Variants in FLNB observed in about 807,000 individuals in gnomAD.
FLNB encodes the protein filamin-B.
FLNB carries 111 observed loss-of-function variants against 250.6 expected under a neutral mutation model. The ratio of observed to expected loss-of-function variants is 0.44; its 90% CI spans 0.38 to 0.52. FLNB has a LOEUF of 0.52. Among genes scored for constraint, FLNB ranks in the 20% least tolerant of loss-of-function variants. The pLI is 0.00. For missense variants in FLNB, 2,869 were observed against 3,447.8 expected, an observed-to-expected ratio of 0.83 and a Z score of 4.20; for synonymous variants, 1,302 against 1,372.1, an observed-to-expected ratio of 0.95 and a Z score of 1.13.
chr3:58,078,630 A>T (rs980413282), intron 2 of FLNB, 87 bp from the exon 3 acceptor site: 13 of 1,511,522 alleles, frequency 8.6e-6, no homozygotes, highest in Non-Finnish European at 1.2e-5. Flanking sequence ...GAACTAAAAG[A>T]AAAAATGGGG....
chr3:58,169,676 T>A lies in FLNB; in HGVS notation c.7504T>A (p.Tyr2502Asn). 1 of 1,614,100 alleles carries A rather than the reference T, an allele frequency of 6.2e-7. No homozygotes were observed. The highest frequency in any genetic ancestry group is 8.5e-7 in the Non-Finnish European group (1 of 1,179,996). ...SVTRSSTETC[Y>N]SAIPKASSDA... Reference sequence around the variant, plus strand: ...GACCAGGTCGTCTACAGAGACCTGCTATAGCGCCATTCCCAAGGCATCCTC... The same window carrying A: ...GACCAGGTCGTCTACAGAGACCTGCAATAGCGCCATTCCCAAGGCATCCTC... The change falls in exon 45 of 46, where the codon TAT becomes AAT. Residue 2502 changes from tyrosine to asparagine, a missense_variant. By Grantham distance (143) the Tyr-to-Asn change is moderately radical. Transcript: ENST00000295956. This position sits in a 1 kb window ranked among gnomAD's most constrained non-coding sequence, Gnocchi z 4.8.
intron 18 of FLNB, among the ~76,000 whole-genome samples, chr3:58,116,404 C>G (rs1015940977): frequency 2.0e-5 from 3 of 152,082 alleles, no homozygotes; most frequent in Non-Finnish European, 4.4e-5. Flanking sequence ...GGGCGCTTCC[C>G]CCTCAGAACA....
At chr3:58,107,490 A>C (rs2097261573) in intron 12 of FLNB, among the ~76,000 whole-genome samples, 2 of 152,250 alleles carry the variant, frequency 1.3e-5, no homozygotes, top group South Asian at 4.1e-4. Context: ...GGTGGCATGC[A>C]TAAAGACCGC....
In FLNB at chr3:58,169,436, A is replaced by G. The variant is rs530415181; in HGVS notation, c.7418-154A>G. On this transcript the variant is annotated intron_variant, in intron 44 of 45. Transcript: ENST00000295956. This position sits in a 1 kb window ranked among gnomAD's most constrained non-coding sequence, Gnocchi z 4.8. Reference sequence around the variant, plus strand: ...GGGTGGGATCCTAGGGGTTTAGAAGACATTATGGGTGTGAGATACAGGTGT... The same window carrying G: ...GGGTGGGATCCTAGGGGTTTAGAAGGCATTATGGGTGTGAGATACAGGTGT... 8.6e-6 allele frequency: 6 copies of G among 696,224 alleles called. No individual in the cohort carries two copies. The highest frequency in any genetic ancestry group is 2.0e-5 in the Admixed American group (1 of 49,860). 43.1% of individuals were successfully genotyped at this position (696,224 alleles called of 1,614,324 possible).
At chr3:58,151,843 A>G (rs2097345630) in intron 38 of FLNB, among the ~76,000 whole-genome samples, 1 of 152,138 alleles carries the variant, frequency 6.6e-6, no homozygotes, top group Non-Finnish European at 1.5e-5. Flanking sequence ...GGGCTGGTGC[A>G]TTTCAGATGC....
At chr3:58,143,740 C>T (rs1029680004) in intron 32 of FLNB, 127 bp downstream of exon 32, 5 of 1,168,568 alleles carry the variant, frequency 4.3e-6, no homozygotes, top group Non-Finnish European at 6.2e-6. Context: ...AGCGTTGGTA[C>T]CCCTGTGAAA....
In FLNB at chr3:58,008,755, G is replaced by C. The variant is rs759185725; in HGVS notation, c.191G>C (p.Arg64Pro). Reference sequence around the variant, plus strand: ...GTGCTCAGCCAGAAGCGCATGTACCGCAAGTACCATCAGCGGCCCACCTTT... The same window carrying C: ...GTGCTCAGCCAGAAGCGCATGTACCCCAAGTACCATCAGCGGCCCACCTTT... The part of the protein sequence containing the change: ...LEVLSQKRMY[R>P]KYHQRPTFRQ... The change falls in exon 1 of 46, where the codon CGC becomes CCC. Residue 64 changes from arginine to proline, a missense_variant. By Grantham distance (103) the Arg-to-Pro change is moderately radical. Coordinates refer to ENST00000295956, the MANE Select transcript of FLNB (RefSeq NM_001457.4). 1 of 1,614,028 alleles carries C rather than the reference G, an allele frequency of 6.2e-7. No individual in the cohort carries two copies. The highest frequency in any genetic ancestry group is 1.3e-5 in the African/African-American group (1 of 75,066).
At position 58,134,742 on chromosome 3, in the gene FLNB, C is replaced by T. The variant is rs370414841; in HGVS notation, c.4641C>T (p.Ala1547=). ...ACTTTGCAATTGATGCCCGAGATGCCGGGGAAGGCCTGCTTGCTGTTCAAA... is the reference window on the plus strand; with the variant it reads ...ACTTTGCAATTGATGCCCGAGATGCTGGGGAAGGCCTGCTTGCTGTTCAAA... The part of the protein sequence containing the change: ...PVDFAIDARD[A]GEGLLAVQIT... The change falls in exon 27 of 46, where the codon GCC becomes GCT. Residue 1547 remains alanine, a synonymous_variant. Coordinates refer to ENST00000295956, the MANE Select transcript of FLNB (RefSeq NM_001457.4). 2.9e-5 allele frequency: 47 copies of T among 1,614,080 alleles called. No individual in the cohort carries two copies. Among genetic ancestry groups the T allele is most frequent in the East Asian group, 2.7e-4 (12 of 44,884 alleles).
At position 58,035,257 on chromosome 3, in the gene FLNB, C is replaced by A. The variant is rs187659303; in HGVS notation, c.292+26401C>A. The stretch of plus-strand genomic sequence containing the variant: ...TCAAACAGGAAAACAAAAACAAAAC[C>A]AAACCCAAAATACACGTAAATTGCA... On this transcript the variant is annotated intron_variant, in intron 1 of 45. Coordinates refer to ENST00000295956, the MANE Select transcript of FLNB (RefSeq NM_001457.4). 3.9e-3 allele frequency among the ~76,000 whole-genome samples: 600 copies of A among 152,266 alleles called. 2 individuals are homozygous for A. Among genetic ancestry groups the A allele is most frequent in the Non-Finnish European group, 6.0e-3 (411 of 68,022 alleles).
At position 58,171,491 on chromosome 3, in the gene FLNB, T is replaced by G. The variant is rs1306145030; in HGVS notation, c.*729T>G. The G allele has an allele frequency of 6.6e-6, 1 of 152,332 alleles. No homozygotes were observed. The highest frequency in any genetic ancestry group is 1.9e-4 in the East Asian group (1 of 5,204). 9.4% of individuals were successfully genotyped at this position (152,332 alleles called of 1,614,324 possible). On this transcript the variant is annotated 3_prime_UTR_variant, in exon 46 of 46. Transcript: ENST00000295956. The surrounding 1 kb of genome is among the most constrained non-coding windows in gnomAD (Gnocchi z 5.5). Reference sequence around the variant, plus strand: ...CATGGTTTTGCTTTAGTTTTCCAAGTCCGTTTCAGTCCCTTCCTTGGTCTG... The same window carrying G: ...CATGGTTTTGCTTTAGTTTTCCAAGGCCGTTTCAGTCCCTTCCTTGGTCTG...
At position 58,098,759 on chromosome 3, in the gene FLNB, A is replaced by G. The variant is rs145673747; in HGVS notation, c.1196A>G (p.Lys399Arg). ...GTGGAGGTGGAAGATCCCCAGGGGA[A>G]GAACACCGTGGAGTTGCTCGTGGAA... Reference protein sequence around the residue: ...IGVEVEDPQGKNTVELLVEDK... With the variant: ...IGVEVEDPQGRNTVELLVEDK... Residue 399 changes from lysine to arginine, a missense_variant, in exon 8 of 46, where the codon AAG becomes AGG. Physicochemically the swap from Lys to Arg is conservative, Grantham distance 26. This residue lies in a region of FLNB where 1,348 missense variants were observed against 1,466.7 expected (regional missense o/e 0.92). Coordinates refer to ENST00000295956, the MANE Select transcript of FLNB (RefSeq NM_001457.4). The G allele has an allele frequency of 7.2e-4, 1,165 of 1,614,200 alleles. No individual in the cohort carries two copies. Among genetic ancestry groups the G allele is most frequent in the Non-Finnish European group, 9.0e-4 (1,065 of 1,180,042 alleles).
At chr3:58,124,544 G>A (rs1246979624) in intron 22 of FLNB, 39 bp downstream of exon 22, 1 of 1,610,000 alleles carries the variant, frequency 6.2e-7, no homozygotes, top group African/African-American at 1.3e-5. Flanking sequence ...CTCGTTCAGA[G>A]CTGCCCTTGG....
intron 42 of FLNB, among the ~76,000 whole-genome samples, chr3:58,160,204 G>A (rs542666251): frequency 1.7e-4 from 26 of 152,102 alleles, no homozygotes; most frequent in African/African-American, 5.8e-4. Context: ...CTTATGGCAC[G>A]AGTAAGCATA....
chr3:58,127,325 C>CAAA (rs879263542), intron 24 of FLNB, among the ~76,000 whole-genome samples: 2 of 117,892 alleles, frequency 1.7e-5, no homozygotes, highest in Non-Finnish European at 3.5e-5. Flanking sequence ...GACCCTGTCT[C>CAAA]AAAAAAAAAA....
rs13316370 is a variant in FLNB, at chr3:58,031,866, G to A, written c.292+23010G>A. On this transcript the variant is annotated intron_variant, in intron 1 of 45. Coordinates refer to ENST00000295956, the MANE Select transcript of FLNB (RefSeq NM_001457.4). ...CATCCAAAAGTGTCATTTTAATGCT[G>A]ACATACTGCATTACTAAGCTTGACC... Among the ~76,000 whole-genome samples, 135 of 151,694 alleles carry A rather than the reference G, an allele frequency of 8.9e-4. 2 individuals carry two copies. The highest frequency in any genetic ancestry group is 3.1e-3 in the African/African-American group (129 of 41,350).
At position 58,115,502 on chromosome 3, in the gene FLNB, C is replaced by T. The variant is rs112379711; in HGVS notation, c.2745+3184C>T. Among the ~76,000 whole-genome samples, 14 of 152,348 alleles carry T rather than the reference C, an allele frequency of 9.2e-5. 1 individual carries two copies. Among genetic ancestry groups the T allele is most frequent in the African/African-American group, 2.9e-4 (12 of 41,594 alleles). On this transcript the variant is annotated intron_variant, in intron 18 of 45. Transcript: ENST00000295956. ...GGACTGCAGAACCCAGTACCCCAGA[C>T]GTCCCCTGCTGCTGGTTGAGGCAGA...
chr3:58,125,784 T>C, intron 23 of FLNB, 41 bp downstream of exon 23: 1 of 1,593,798 alleles, frequency 6.3e-7, no homozygotes, highest in Non-Finnish European at 8.6e-7. Flanking sequence ...GTCTCACTTT[T>C]GTGGCTAGAT....
rs528306849 is a variant in FLNB, at chr3:58,149,781, T to C, written c.6092-69T>C. ...TGAGGCGTAAGGGTCGGATGTCCTT[T>C]CTCCATTCATCAGGCTCCCTCTTCC... On this transcript the variant is annotated intron_variant, in intron 36 of 45. Coordinates refer to ENST00000295956, the MANE Select transcript of FLNB (RefSeq NM_001457.4). 42 of 1,591,884 alleles carry C rather than the reference T, an allele frequency of 2.6e-5. No individual in the cohort carries two copies. The African/African-American group carries it at 5.6e-4, about 21-fold the overall frequency.
Position 58,106,907 on chromosome 3 carries a change from C to T in FLNB, c.1941+34C>T, listed in dbSNP as rs773526219. On this transcript the variant is annotated intron_variant, in intron 12 of 45. Coordinates refer to ENST00000295956, the MANE Select transcript of FLNB (RefSeq NM_001457.4). ...GCTGCTGTGCTTCTGTCTTCTTGTC[C>T]CTGGCCCCTGGTTCCTCACCCCCAT... 1.7e-5 allele frequency: 27 copies of T among 1,590,048 alleles called. 1 individual carries two copies. The South Asian group carries it at 2.9e-4, about 17-fold the overall frequency.
Sources: allele counts gnomAD v4.1 joint callset (sites outside exome capture counted in the v4.1 genomes callset), GRCh38; gene constraint gnomAD v4.1.1; regional missense constraint gnomAD v4.1.1; non-coding constraint Gnocchi (gnomAD v3.1); transcripts MANE v1.5; gene names NCBI Gene and HGNC (gene_info 2026-07-23, HGNC 2026-07-21).